Variants in DLC1 observed in about 807,000 individuals in gnomAD.
DLC1 encodes DLC1 Rho GTPase activating protein, also known as rho GTPase-activating protein 7.
In DLC1, 54 loss-of-function variants were observed where a neutral mutation model predicts 140.3. The ratio of observed to expected loss-of-function variants is 0.38; its 90% CI spans 0.31 to 0.48. The LOEUF is 0.48. DLC1 is among the 20% of genes least tolerant of loss of function. The pLI is 0.96. For synonymous variants in DLC1, 986 were observed against 728.1 expected (o/e 1.35, Z -5.70); for missense variants, 2,536 against 1,907.0 (o/e 1.33, Z -6.14).
chr8:13,279,555 C>A (rs1422583207), intron 5 of DLC1, among the ~76,000 whole-genome samples: 1 of 152,124 alleles, frequency 6.6e-6, no homozygotes, highest in Non-Finnish European at 1.5e-5. Flanking sequence ...TTGAGCAAGG[C>A]AAACTTTAAT....
At chr8:13,201,120 A>G in intron 5 of DLC1, among the ~76,000 whole-genome samples, 1 of 150,404 alleles carries the variant, frequency 6.6e-6, no homozygotes, top group South Asian at 2.1e-4. Flanking sequence ...TTGGCAATTG[A>G]GAAAACAAGG....
rs920214682 is a variant in DLC1 at position 13,356,037 on chromosome 8, C to T, written c.1314+37516G>A. ...CTCAGGAGGCGGAGGTTGCAGTGAG[C>T]CGGGATCGCGCCACTGCACTGCAGC... is the stretch of plus-strand genomic sequence containing the variant. On this transcript the variant is annotated intron_variant, in intron 4 of 17. Coordinates refer to ENST00000276297, the MANE Select transcript of DLC1 (RefSeq NM_182643.3). Among the ~76,000 whole-genome samples the T allele has an allele frequency of 1.2e-4, 14 of 121,618 alleles. No homozygotes were observed. In the Admixed American group the frequency reaches 1.5e-3, roughly 13 times the overall value. 79.8% of individuals were successfully genotyped at this position (121,618 alleles called of 152,430 possible).
chr8:13,542,880 T>C (rs1235957635), intron 1 of DLC1, among the ~76,000 whole-genome samples: 4 of 152,126 alleles, frequency 2.6e-5, no homozygotes, highest in Non-Finnish European at 4.4e-5. Context: ...TCCCTATGAG[T>C]TTTTTACCTA....
chr8:13,459,670 C>G (rs1047580243), intron 2 of DLC1, among the ~76,000 whole-genome samples: 17 of 152,162 alleles, frequency 1.1e-4, no homozygotes, highest in Non-Finnish European at 2.4e-4. Context: ...TGGCCAACTT[C>G]TCCCGCACAG....
chr8:13,586,744 G>A (rs770554322), intron 1 of DLC1, among the ~76,000 whole-genome samples: 1 of 151,976 alleles, frequency 6.6e-6, no homozygotes, highest in Non-Finnish European at 1.5e-5. Context: ...CAACCAGAAT[G>A]TTGACATCAA....
intron 5 of DLC1, among the ~76,000 whole-genome samples, chr8:13,205,988 G>T (rs1443798199): frequency 6.6e-6 from 1 of 152,144 alleles, no homozygotes; most frequent in Non-Finnish European, 1.5e-5. Context: ...TTAAAATATA[G>T]ATAGCCCCTT....
intron 3 of DLC1, among the ~76,000 whole-genome samples, chr8:13,397,600 G>A (rs1413286910): frequency 6.6e-6 from 1 of 151,918 alleles, no homozygotes; most frequent in Non-Finnish European, 1.5e-5. Flanking sequence ...AGGCCGAGGT[G>A]GGAAGACTGC....
rs74617088 is a variant in DLC1, at chr8:13,525,297, A to G, written c.-125-25101T>C. Among the ~76,000 whole-genome samples, 509 of 152,340 alleles carry G rather than the reference A, an allele frequency of 3.3e-3. 3 individuals carry two copies. The highest frequency in any genetic ancestry group is 0.012 in the African/African-American group (494 of 41,584). On this transcript the variant is annotated intron_variant, in intron 1 of 1. Coordinates refer to the DLC1 transcript ENST00000631382. ...TTTGGCCATTACAAATCAAGCTGCT[A>G]TGAATATTCATGTGCAAGTCATTGT...
At position 13,099,875 on chromosome 8, in the gene DLC1, G is replaced by C. The variant is rs1174477487; in HGVS notation, c.2462C>G (p.Ala821Gly). The change falls in exon 9 of 18, where the codon GCT (alanine) becomes GGT (glycine). Residue 821 changes from alanine to glycine, a missense_variant. Transcript: ENST00000276297. ...GGGGGAGAAACTGCCATTGGTGAGAGCTTTGGGGAAAGTGCCAGGCTTGTG... is the reference window on the plus strand; with the variant it reads ...GGGGGAGAAACTGCCATTGGTGAGACCTTTGGGGAAAGTGCCAGGCTTGTG... ...EDHKPGTFPK[A>G]LTNGSFSPSG... 3 of 1,614,108 alleles carry C rather than the reference G, an allele frequency of 1.9e-6. No individual in the cohort carries two copies. The highest frequency in any genetic ancestry group is 1.3e-5 in the African/African-American group (1 of 74,940).
intron 2 of DLC1, among the ~76,000 whole-genome samples, chr8:13,403,685 T>C (rs1837395162): frequency 6.6e-6 from 1 of 151,954 alleles, no homozygotes; most frequent in Non-Finnish European, 1.5e-5. Context: ...GCCCAGGCTG[T>C]AGTGCAGTGC....
At chr8:13,547,288 C>A (rs890277350) in intron 1 of DLC1, among the ~76,000 whole-genome samples, 2 of 151,892 alleles carry the variant, frequency 1.3e-5, no homozygotes, top group African/African-American at 2.4e-5. Context: ...TAGCTTTTTG[C>A]ATAAAACTCA....
intron 1 of DLC1, among the ~76,000 whole-genome samples, chr8:13,579,768 G>A (rs1460290247): frequency 6.6e-6 from 1 of 151,192 alleles, no homozygotes; most frequent in Non-Finnish European, 1.5e-5. Flanking sequence ...AAAACATTTT[G>A]TAGTGTCCTA....
At chr8:13,602,601 T>A (rs973611725) in intron 1 of DLC1, among the ~76,000 whole-genome samples, 1 of 151,872 alleles carries the variant, frequency 6.6e-6, no homozygotes, top group Non-Finnish European at 1.5e-5. Flanking sequence ...ACTCTATGTG[T>A]TAATTGTCAA....
intron 1 of DLC1, among the ~76,000 whole-genome samples, chr8:13,542,963 A>AT (rs1306714771): frequency 6.6e-6 from 1 of 152,088 alleles, no homozygotes; most frequent in Non-Finnish European, 1.5e-5. Flanking sequence ...GCACCTACTG[A>AT]AATTATGATA....
At chr8:13,526,923 T>A (rs569319595) in intron 1 of DLC1, among the ~76,000 whole-genome samples, 5 of 152,160 alleles carry the variant, frequency 3.3e-5, no homozygotes, top group South Asian at 2.1e-4. Flanking sequence ...AAGTAAAATT[T>A]AAAAAAAAGT....
chr8:13,162,029 T>C (rs1012838833), intron 5 of DLC1, among the ~76,000 whole-genome samples: 1 of 152,166 alleles, frequency 6.6e-6, no homozygotes, highest in Admixed American at 6.5e-5. Flanking sequence ...ATCAACAGAA[T>C]AAAAGTACAG....
chr8:13,435,631 G>C (rs904611944), intron 2 of DLC1, among the ~76,000 whole-genome samples: 3 of 152,134 alleles, frequency 2.0e-5, no homozygotes, highest in Non-Finnish European at 4.4e-5. Flanking sequence ...GTTTCTTGTG[G>C]ATAAACAAAT....
intron 5 of DLC1, among the ~76,000 whole-genome samples, chr8:13,253,177 G>C (rs960195132): frequency 7.9e-5 from 12 of 152,156 alleles, no homozygotes; most frequent in African/African-American, 2.4e-4. Context: ...GAATTCATTA[G>C]CATAAGAAGT....
chr8:13,159,249 C>T (rs1052007581), intron 5 of DLC1, among the ~76,000 whole-genome samples: 2 of 152,138 alleles, frequency 1.3e-5, no homozygotes, highest in Non-Finnish European at 2.9e-5. Context: ...GCTTTGGGTT[C>T]CCAGTTTCTG....
Sources: allele counts gnomAD v4.1 joint callset (sites outside exome capture counted in the v4.1 genomes callset), GRCh38; gene constraint gnomAD v4.1.1; transcripts MANE v1.5; gene names NCBI Gene and HGNC (gene_info 2026-07-23, HGNC 2026-07-21).